The following MICAL2 variants were observed in gnomAD, a reference collection of about 807,000 sequenced individuals.
MICAL2 encodes the protein [F-actin]-monooxygenase MICAL2.
Under a neutral mutation model 127.3 loss-of-function variants are expected in MICAL2, and 77 were observed. The ratio of observed to expected loss-of-function variants is 0.60; its 90% CI spans 0.50 to 0.73. The LOEUF is 0.73. Ranked by LOEUF, MICAL2 falls within the 30% of genes least tolerant of loss-of-function variation. MICAL2 has a pLI of 0.00. For synonymous variants in MICAL2, 570 were observed against 551.1 expected (o/e 1.03, Z -0.48); for missense variants, 1,351 against 1,434.4 (o/e 0.94, Z 0.94).
chr11:12,213,228 C>T, intron 6 of MICAL2, 27 bp from the exon 7 acceptor site: 3 of 1,582,052 alleles, frequency 1.9e-6, no homozygotes, highest in Non-Finnish European at 2.6e-6. Context: ...AGAAGATAGA[C>T]CCACTTTTTC....
chr11:12,152,485 A>T (rs1334566726), intron 2 of MICAL2, among the ~76,000 whole-genome samples: 2 of 152,070 alleles, frequency 1.3e-5, no homozygotes, highest in Non-Finnish European at 2.9e-5. Flanking sequence ...GTTGGAACAC[A>T]GGGTCTGAGT....
chr11:12,291,449 C>A (rs1302446051), downstream of MICAL2, among the ~76,000 whole-genome samples: 1 of 152,164 alleles, frequency 6.6e-6, no homozygotes, highest in South Asian at 2.1e-4. Flanking sequence ...CAGCCCCCCA[C>A]AGCACTGAAC....
At chr11:12,354,993 C>A in intron 34 of MICAL2, 2 of 726,680 alleles carry the variant, frequency 2.8e-6, no homozygotes, top group Non-Finnish European at 4.5e-6. Flanking sequence ...GCCAGCCTGC[C>A]TCCCACCAGC....
intron 3 of MICAL2, among the ~76,000 whole-genome samples, chr11:12,181,233 C>T (rs1378697828): frequency 1.3e-5 from 2 of 152,174 alleles, no homozygotes; most frequent in African/African-American, 4.8e-5. Context: ...CATGAGCCAC[C>T]GTGCCCGGCC....
In MICAL2 at chr11:12,223,335, G is replaced by A. The variant is rs886392521; in HGVS notation, c.1450-76G>A. ...AATGGTGGCAGGCACTGAATTGGGG[G>A]TGGGTCGAGTTTAGGGGCCCTGAGA... On this transcript the variant is annotated intron_variant, in intron 11 of 27. Transcript: ENST00000683283. 1.6e-5 allele frequency: 20 copies of A among 1,285,450 alleles called. No homozygotes were observed. The African/African-American group carries it at 1.9e-4, about 12-fold the overall frequency. The allele number at this position is 1,285,450 out of a possible 1,614,324, so 79.6% of individuals were successfully genotyped here.
At chr11:12,348,458 T>C (rs964623164) in intron 32 of MICAL2, among the ~76,000 whole-genome samples, 1 of 152,162 alleles carries the variant, frequency 6.6e-6, no homozygotes, top group Non-Finnish European at 1.5e-5. Context: ...CTCATGGATT[T>C]TGATATCCAA....
rs74992828 is a variant in MICAL2 at position 12,175,695 on chromosome 11, G to T, written c.264+13276G>T. Reference sequence around the variant, plus strand: ...GTTTGATATAGGATGTCCTGGGAAGGCTTCTAGAAGATGGTGACATTTGAG... The same window carrying T: ...GTTTGATATAGGATGTCCTGGGAAGTCTTCTAGAAGATGGTGACATTTGAG... On this transcript the variant is annotated intron_variant, in intron 3 of 27. Coordinates refer to ENST00000683283, the MANE Select transcript of MICAL2 (RefSeq NM_001282663.2). Among the ~76,000 whole-genome samples, 508 of 152,136 alleles carry T rather than the reference G, an allele frequency of 3.3e-3. 4 individuals carry two copies. Among genetic ancestry groups the T allele is most frequent in the African/African-American group, 0.012 (485 of 41,508 alleles).
chr11:12,349,747 A>G (rs940121834), intron 32 of MICAL2: 60 of 1,267,230 alleles, frequency 4.7e-5, no homozygotes, highest in Admixed American at 4.1e-4. Flanking sequence ...CCTTGTCACT[A>G]CAAACATAAC....
At chr11:12,291,003 T>C (rs1389549), downstream of MICAL2, among the ~76,000 whole-genome samples, 73,436 of 151,932 alleles carry the variant, frequency 0.48, 19,212 homozygotes, top group African/African-American at 0.66. Context: ...CGCTAAGAAG[T>C]GGATGAAAAT....
chr11:12,144,696 G>T (rs1157980080), intron 2 of MICAL2, among the ~76,000 whole-genome samples: 1 of 152,186 alleles, frequency 6.6e-6, no homozygotes, highest in Non-Finnish European at 1.5e-5. Flanking sequence ...CGTGCACCTA[G>T]TTCAGGGAGG....
At chr11:12,354,777 C>T (rs767227252) in intron 33 of MICAL2, 37 of 1,613,272 alleles carry the variant, frequency 2.3e-5, no homozygotes, top group Non-Finnish European at 2.9e-5. Context: ...AACATTTTCT[C>T]ACCCAGGGCC....
rs1302047675 is a variant in MICAL2 at position 12,255,762 on chromosome 11, C to T, written c.2955+12C>T. On this transcript the variant is annotated intron_variant, in intron 23 of 27. Transcript: ENST00000683283. Reference sequence around the variant, plus strand: ...CCTCTCCAGACCTGGTAAGGACATGCACCCCCAGCCTTCACCCACAGACAC... The same window carrying T: ...CCTCTCCAGACCTGGTAAGGACATGTACCCCCAGCCTTCACCCACAGACAC... The T allele has an allele frequency of 3.1e-6, 5 of 1,600,860 alleles. No homozygotes were observed. Among genetic ancestry groups the T allele is most frequent in the South Asian group, 1.1e-5 (1 of 89,766 alleles).
intron 1 of MICAL2, among the ~76,000 whole-genome samples, chr11:12,115,070 C>T (rs1849896702): frequency 1.3e-5 from 2 of 152,216 alleles, no homozygotes; most frequent in African/African-American, 2.4e-5. Flanking sequence ...CCTGTGCCTT[C>T]CAGAGCCTTC....
At chr11:12,345,078 CT>C (rs2134889255) in intron 32 of MICAL2, among the ~76,000 whole-genome samples, 1 of 149,768 alleles carries the variant, frequency 6.7e-6, no homozygotes, top group Admixed American at 6.6e-5. Context: ...CGCCACTGCA[CT>C]CCAGCCTGGG....
intron 29 of MICAL2, chr11:12,308,343 T>C (rs1221944936): frequency 6.6e-6 from 1 of 152,234 alleles, no homozygotes; most frequent in Non-Finnish European, 1.5e-5. Flanking sequence ...TTGCTTGTTA[T>C]CTATAGATCA....
intron 20 of MICAL2, chr11:12,243,223 C>G (rs550375402): frequency 6.5e-6 from 1 of 153,592 alleles, no homozygotes; most frequent in East Asian, 1.9e-4. Context: ...ATGAGGCCAA[C>G]CACATGCTGC....
chr11:12,140,416 A>G (rs1852232727), intron 2 of MICAL2, among the ~76,000 whole-genome samples: 1 of 151,900 alleles, frequency 6.6e-6, no homozygotes, highest in Non-Finnish European at 1.5e-5. Flanking sequence ...CCTCTGCTAA[A>G]CTCCAACCAT....
At chr11:12,173,895 A>G (rs7951110) in intron 3 of MICAL2, among the ~76,000 whole-genome samples, 1 of 151,968 alleles carries the variant, frequency 6.6e-6, no homozygotes, top group African/African-American at 2.4e-5. Flanking sequence ...TCAATCTTAA[A>G]AATATATTTA....
intron 4 of MICAL2, among the ~76,000 whole-genome samples, chr11:12,207,047 A>G (rs1032005100): frequency 3.9e-5 from 6 of 152,102 alleles, no homozygotes; most frequent in African/African-American, 1.4e-4. Flanking sequence ...CTGTGTGCTA[A>G]AGAGATTTTC....
Sources: allele counts gnomAD v4.1 joint callset (sites outside exome capture counted in the v4.1 genomes callset), GRCh38; gene constraint gnomAD v4.1.1; transcripts MANE v1.5; gene names NCBI Gene and HGNC (gene_info 2026-07-23, HGNC 2026-07-21).